Variants in MICAL2 observed in about 807,000 individuals in gnomAD.
The protein encoded by MICAL2 is [F-actin]-monooxygenase MICAL2.
In MICAL2, 77 loss-of-function variants were observed where a neutral mutation model predicts 127.3. The ratio of observed to expected loss-of-function variants is 0.60; its 90% CI spans 0.50 to 0.73. The LOEUF is 0.73. MICAL2 is among the 30% of genes least tolerant of loss of function. The probability of loss-of-function intolerance (pLI) is 0.00; values close to 1 mark genes in which losing one functional copy is unlikely to be tolerated. For synonymous variants in MICAL2, 570 were observed against 551.1 expected, an observed-to-expected ratio of 1.03 and a Z score of -0.48; for missense variants, 1,351 against 1,434.4, an observed-to-expected ratio of 0.94 and a Z score of 0.94.
chr11:12,337,325 C>T (rs1436291232), intron 32 of MICAL2, among the ~76,000 whole-genome samples: 1 of 152,062 alleles, frequency 6.6e-6, no homozygotes, highest in Admixed American at 6.5e-5. Context: ...TTTATTGCGT[C>T]CATTTGATTC....
chr11:12,340,016 G>T (rs572755155), intron 32 of MICAL2, among the ~76,000 whole-genome samples: 1 of 152,278 alleles, frequency 6.6e-6, no homozygotes, highest in African/African-American at 2.4e-5. Flanking sequence ...CGTCGCTCAC[G>T]CTGGGAGCTA....
chr11:12,210,920 C>A (rs916937133), intron 6 of MICAL2, among the ~76,000 whole-genome samples: 4 of 152,246 alleles, frequency 2.6e-5, no homozygotes, highest in African/African-American at 9.6e-5. Context: ...ACACTGGCAG[C>A]ACCCCCAGGT....
chr11:12,122,943 A>T (rs1326970043), intron 1 of MICAL2, among the ~76,000 whole-genome samples: 2 of 152,068 alleles, frequency 1.3e-5, no homozygotes, highest in South Asian at 2.1e-4. Context: ...CTCCTTCCTG[A>T]TGGCTTCCTA....
intron 31 of MICAL2, chr11:12,324,136 A>G (rs1193964664): frequency 2.6e-6 from 4 of 1,561,106 alleles, no homozygotes; most frequent in Non-Finnish European, 3.5e-6. Flanking sequence ...CTGGATGGGA[A>G]AGAGTTTTGG....
At chr11:12,120,523 G>A (rs7942252) in intron 1 of MICAL2, among the ~76,000 whole-genome samples, 51,220 of 152,040 alleles carry the variant, frequency 0.34, 9,458 homozygotes, top group African/African-American at 0.5. Context: ...GCTGAACACC[G>A]AGACAGAGTA....
At position 12,162,415 on chromosome 11, in the gene MICAL2, C is replaced by T; in HGVS notation, c.260C>T (p.Thr87Ile). Reference protein sequence around the residue: ...EYKRGKSCTNTKCLIVGGGPC... With the variant: ...EYKRGKSCTNIKCLIVGGGPC... ...AAGCGAGGGAAGTCGTGCACGAACA[C>T]CAAGGTAAGGGGAAACCCTCCTAGT... The change falls in exon 3 of 28, where the codon ACC becomes ATC. Residue 87 changes from threonine (T) to isoleucine (I), a missense_variant. By Grantham distance (89) the Thr-to-Ile change is moderately conservative. This residue lies in a region of MICAL2 where 599 missense variants were observed against 714.9 expected (regional missense o/e 0.84). Transcript: ENST00000683283. The T allele has an allele frequency of 6.2e-7, 1 of 1,614,150 alleles. No homozygotes were observed. The highest frequency in any genetic ancestry group is 8.5e-7 in the Non-Finnish European group (1 of 1,179,990).
At chr11:12,150,750 C>T (rs1308332543) in intron 2 of MICAL2, among the ~76,000 whole-genome samples, 1 of 152,138 alleles carries the variant, frequency 6.6e-6, no homozygotes. Context: ...CTGGAGAGTG[C>T]CTTTAAGAGG....
intron 29 of MICAL2, among the ~76,000 whole-genome samples, chr11:12,314,576 T>G (rs1340414543): frequency 6.6e-6 from 1 of 151,774 alleles, no homozygotes. Context: ...TCTCCTGGGT[T>G]CACGCCATTC....
At chr11:12,255,438 C>G (rs1862195639) in intron 22 of MICAL2, 1 of 568,728 alleles carries the variant, frequency 1.8e-6, no homozygotes, top group African/African-American at 1.9e-5. Flanking sequence ...GTTTTTGCGG[C>G]CACAGGGTTT....
intron 23 of MICAL2, chr11:12,256,578 G>A (rs1862350504): frequency 2.0e-6 from 1 of 488,084 alleles, no homozygotes; most frequent in Non-Finnish European, 3.6e-6. Flanking sequence ...CTGTCTGGGA[G>A]TACAGTTAAC....
rs59395634 is a variant in MICAL2 at position 12,329,862 on chromosome 11, GAA to G, written c.5515+2616_5515+2617del. On this transcript the variant is annotated intron_variant, in intron 32 of 34. Coordinates refer to the MICAL2 transcript ENST00000646065. ...GAAAATCTTCCTCATCCCCAAATATGAAAAAAAAAAAAAAAAAAAAAGAAAAG... is the reference window on the plus strand; with the variant it reads ...GAAAATCTTCCTCATCCCCAAATATGAAAAAAAAAAAAAAAAAAAGAAAAG... 2.1e-3 allele frequency among the ~76,000 whole-genome samples: 261 copies of G among 121,960 alleles called. 1 individual carries two copies. Among genetic ancestry groups the G allele is most frequent in the African/African-American group, 7.6e-3 (228 of 30,006 alleles). The allele number at this position is 121,960 out of a possible 152,430, so 80.0% of individuals were successfully genotyped here.
chr11:12,266,524 T>A (rs1373369995), downstream of MICAL2, among the ~76,000 whole-genome samples: 1 of 152,266 alleles, frequency 6.6e-6, no homozygotes, highest in Non-Finnish European at 1.5e-5. Context: ...GGGAACATTT[T>A]CTCTGTGCCA....
At chr11:12,241,620 T>G (rs1024054917) in intron 18 of MICAL2, among the ~76,000 whole-genome samples, 1 of 152,196 alleles carries the variant, frequency 6.6e-6, no homozygotes, top group African/African-American at 2.4e-5. Context: ...AGGACCTGCA[T>G]AGCGGGCGGG....
Position 12,245,555 on chromosome 11 carries a change from C to T in MICAL2, c.2784+1443C>T, listed in dbSNP as rs531714868. ...ATGGGAAGCACCCCAGAAAGGGCAGCAGCAGGTAACACAGAGAAACGCTAA... is the reference window on the plus strand; with the variant it reads ...ATGGGAAGCACCCCAGAAAGGGCAGTAGCAGGTAACACAGAGAAACGCTAA... On this transcript the variant is annotated intron_variant, in intron 21 of 27. Transcript: ENST00000683283. Among the ~76,000 whole-genome samples, 5 of 152,320 alleles carry T rather than the reference C, an allele frequency of 3.3e-5. No individual in the cohort carries two copies. The South Asian group carries it at 1.0e-3, about 32-fold the overall frequency.
intron 2 of MICAL2, among the ~76,000 whole-genome samples, chr11:12,152,297 C>CAAAAAAAAAAAAA (rs540812572): frequency 2.6e-5 from 1 of 38,394 alleles, no homozygotes; most frequent in Non-Finnish European, 4.4e-5. Flanking sequence ...GACTCTGTCT[C>CAAAAAAAAAAAAA]AAAAAAAAAA....
chr11:12,181,586 T>C (rs954734333), intron 3 of MICAL2, among the ~76,000 whole-genome samples: 2 of 152,244 alleles, frequency 1.3e-5, no homozygotes, highest in Admixed American at 1.3e-4. Flanking sequence ...AACTTGAACA[T>C]GAAGTAGGTA....
chr11:12,172,548 ATGGTTCTCAGT>A (rs1479143203), intron 3 of MICAL2, among the ~76,000 whole-genome samples: 2 of 152,172 alleles, frequency 1.3e-5, no homozygotes, highest in African/African-American at 4.8e-5. Flanking sequence ...GGGAGACATC[ATGGTTCTCAGT>A]TGATATTAGT....
At chr11:12,258,675 A>G (rs1336130217) in intron 25 of MICAL2, 119 bp downstream of exon 25, 8 of 858,962 alleles carry the variant, frequency 9.3e-6, no homozygotes, top group Admixed American at 2.5e-5. Context: ...ACTCACAGAT[A>G]AAGAAGAAAG....
At chr11:12,199,777 G>T (rs1860441607) in intron 3 of MICAL2, among the ~76,000 whole-genome samples, 1 of 152,190 alleles carries the variant, frequency 6.6e-6, no homozygotes, top group South Asian at 2.1e-4. Context: ...ATTTTTCCAT[G>T]AGGCGTTTGT....
Sources: gnomAD v4.1 joint callset for allele counts (sites outside exome capture counted in the v4.1 genomes callset) on GRCh38, gnomAD v4.1.1 for gene constraint, gnomAD v4.1.1 regional missense constraint, MANE v1.5 for transcripts, NCBI Gene and HGNC (gene_info 2026-07-23, HGNC 2026-07-21) for gene names.